The following SEPTIN7 variants were observed in gnomAD, a reference collection of about 807,000 sequenced individuals.
The protein encoded by SEPTIN7 is septin 7.
In SEPTIN7, 10 loss-of-function variants were observed where a neutral mutation model predicts 63.3. That is an observed-to-expected ratio of 0.16 (90% CI 0.10 to 0.27). The LOEUF is 0.27. Ranked by LOEUF, SEPTIN7 falls within the 10% of genes least tolerant of loss-of-function variation. The probability of loss-of-function intolerance (pLI) is 1.00; values close to 1 mark genes in which losing one functional copy is unlikely to be tolerated. For synonymous variants in SEPTIN7, 131 were observed against 165.3 expected, an observed-to-expected ratio of 0.79 and a Z score of 1.59; for missense variants, 310 against 521.0, an observed-to-expected ratio of 0.59 and a Z score of 3.94.
chr7:35,880,228 T>C (rs550761765), intron 7 of SEPTIN7, among the ~76,000 whole-genome samples: 305 of 144,724 alleles, frequency 2.1e-3, no homozygotes, highest in South Asian at 7.0e-3. Flanking sequence ...CTTTTCTTTT[T>C]TTTTTTTTTT....
chr7:35,815,920 C>T (rs1449537574), intron 1 of SEPTIN7, among the ~76,000 whole-genome samples: 4 of 151,986 alleles, frequency 2.6e-5, no homozygotes, highest in Admixed American at 1.3e-4. Context: ...TTTTTTCTAC[C>T]ACTTTCCCAC....
At chr7:35,830,790 T>G (rs1185538213) in intron 1 of SEPTIN7, among the ~76,000 whole-genome samples, 1 of 152,226 alleles carries the variant, frequency 6.6e-6, no homozygotes, top group Non-Finnish European at 1.5e-5. Context: ...CTATTTTATT[T>G]TCTGTGCTTC....
chr7:35,880,211 T>TC, intron 7 of SEPTIN7, among the ~76,000 whole-genome samples: 1 of 140,964 alleles, frequency 7.1e-6, no homozygotes, highest in African/African-American at 2.7e-5. Context: ...TTCTTTTCTT[T>TC]TTTTTTCTTT....
chr7:35,835,660 AGAAT>A (rs1400097537), intron 3 of SEPTIN7, among the ~76,000 whole-genome samples: 3 of 152,186 alleles, frequency 2.0e-5, no homozygotes, highest in Non-Finnish European at 4.4e-5. Flanking sequence ...AGTGAAAGAG[AGAAT>A]GAATGAGAAT....
the SEPTIN7 span, among the ~76,000 whole-genome samples, chr7:35,912,234 G>T: frequency 6.6e-6 from 1 of 152,234 alleles, no homozygotes; most frequent in Non-Finnish European, 1.5e-5. Flanking sequence ...CTGGAAGGTT[G>T]TGGGTTTACC....
At chr7:35,866,280 G>T (rs1482199135) in intron 4 of SEPTIN7, among the ~76,000 whole-genome samples, 1 of 152,218 alleles carries the variant, frequency 6.6e-6, no homozygotes, top group African/African-American at 2.4e-5. Context: ...AAGCCTGAAT[G>T]TAGTTAGAAA....
intron 10 of SEPTIN7, chr7:35,888,980 AT>A: frequency 3.9e-6 from 1 of 254,002 alleles, no homozygotes; most frequent in Non-Finnish European, 8.3e-6. Flanking sequence ...TTCTGTTAAA[AT>A]TCCTATCATC....
intron 3 of SEPTIN7, 104 bp from the exon 4 acceptor site, chr7:35,863,448 C>T: frequency 4.9e-6 from 3 of 616,610 alleles, no homozygotes; most frequent in Middle Eastern, 4.4e-4. Context: ...ATTGTCTCAC[C>T]AAGAAGTACT....
rs56795764 is a variant in SEPTIN7 at position 35,814,974 on chromosome 7, CAAAAAAAAAAAAAAA to C, written c.61+13716_61+13730del. Among the ~76,000 whole-genome samples, 3 of 22,028 alleles carry C rather than the reference CAAAAAAAAAAAAAAA, an allele frequency of 1.4e-4. No individual in the cohort carries two copies. The East Asian group carries it at 4.2e-3, about 31-fold the overall frequency. 14.5% of individuals were successfully genotyped at this position (22,028 alleles called of 152,430 possible). On this transcript the variant is annotated intron_variant, in intron 1 of 13. Coordinates refer to ENST00000350320, the MANE Select transcript of SEPTIN7 (RefSeq NM_001788.6). Reference sequence around the variant, plus strand: ...TAGGCGACAGAGCGAGACTCCTTCTCAAAAAAAAAAAAAAAAAAAAAAAAAAGCTGGGATTCTGTT... The same window carrying C: ...TAGGCGACAGAGCGAGACTCCTTCTCAAAAAAAAAAAGCTGGGATTCTGTT...
At chr7:35,886,867 C>T (rs1469496667) in intron 10 of SEPTIN7, among the ~76,000 whole-genome samples, 2 of 152,158 alleles carry the variant, frequency 1.3e-5, no homozygotes, top group East Asian at 1.9e-4. Flanking sequence ...ACTGCTACCT[C>T]AAGAAATACA....
chr7:35,868,655 CAG>C (rs777896546), intron 4 of SEPTIN7, among the ~76,000 whole-genome samples: 6 of 151,990 alleles, frequency 3.9e-5, no homozygotes, highest in Non-Finnish European at 8.8e-5. Context: ...ATAGAGGACT[CAG>C]AGAGTGGTTT....
intron 1 of SEPTIN7, among the ~76,000 whole-genome samples, chr7:35,806,753 T>C (rs1441839660): frequency 6.6e-6 from 1 of 152,204 alleles, no homozygotes; most frequent in Non-Finnish European, 1.5e-5. Flanking sequence ...TTTTTTTGTT[T>C]TTGTTAGTTG....
At chr7:35,848,966 T>C (rs1340331676) in intron 3 of SEPTIN7, among the ~76,000 whole-genome samples, 1 of 152,220 alleles carries the variant, frequency 6.6e-6, no homozygotes, top group Non-Finnish European at 1.5e-5. Flanking sequence ...GAGGTAATTA[T>C]TGAGTAGCTG....
At chr7:35,846,138 G>C (rs751817874) in intron 3 of SEPTIN7, among the ~76,000 whole-genome samples, 19 of 152,124 alleles carry the variant, frequency 1.2e-4, no homozygotes, top group Non-Finnish European at 2.6e-4. Flanking sequence ...TGCATCTTAG[G>C]CATAGCTGTA....
intron 3 of SEPTIN7, among the ~76,000 whole-genome samples, chr7:35,849,496 C>G (rs112430310): frequency 8.5e-5 from 13 of 152,310 alleles, no homozygotes; most frequent in African/African-American, 2.9e-4. Context: ...CACTACCACT[C>G]ACCTCCTGCT....
chr7:35,856,803 G>C (rs1190579547), intron 3 of SEPTIN7, among the ~76,000 whole-genome samples: 2 of 152,138 alleles, frequency 1.3e-5, no homozygotes, highest in Non-Finnish European at 2.9e-5. Context: ...TTGTGTTAAA[G>C]CTTTCTGTTT....
At chr7:35,866,737 A>T (rs1785825126) in intron 4 of SEPTIN7, among the ~76,000 whole-genome samples, 4 of 152,214 alleles carry the variant, frequency 2.6e-5, no homozygotes, top group Admixed American at 1.3e-4. Context: ...ATAGAAGCTC[A>T]TTAAGATTAA....
intron 3 of SEPTIN7, among the ~76,000 whole-genome samples, chr7:35,856,619 T>A (rs1785221978): frequency 1.3e-5 from 2 of 152,040 alleles, no homozygotes; most frequent in Non-Finnish European, 2.9e-5. Context: ...GCAGACTGAG[T>A]TCTCAACTAC....
intron 1 of SEPTIN7, 146 bp downstream of exon 1, chr7:35,801,416 C>T (rs1384801328): frequency 6.9e-6 from 7 of 1,017,210 alleles, no homozygotes; most frequent in Non-Finnish European, 9.4e-6. Flanking sequence ...CACTGCGGGC[C>T]CGGGGCGCGG....
Sources: gnomAD v4.1 joint callset for allele counts (sites outside exome capture counted in the v4.1 genomes callset) on GRCh38, gnomAD v4.1.1 for gene constraint, MANE v1.5 for transcripts, NCBI Gene and HGNC (gene_info 2026-07-23, HGNC 2026-07-21) for gene names.